The following SGCD variants were observed in gnomAD, a reference collection of about 807,000 sequenced individuals.
The protein encoded by SGCD is sarcoglycan delta.
A neutral mutation model predicts 36.6 loss-of-function variants in SGCD; 18 were observed. The ratio of observed to expected loss-of-function variants is 0.49; its 90% CI spans 0.34 to 0.73. The LOEUF is 0.73. Among genes scored for constraint, SGCD ranks in the 30% least tolerant of loss-of-function variants. SGCD has a pLI of 0.01. For missense variants in SGCD, 387 were observed against 346.7 expected, an observed-to-expected ratio of 1.12 and a Z score of -0.92; for synonymous variants, 133 against 130.6, an observed-to-expected ratio of 1.02 and a Z score of -0.12.
chr5:156,218,315 G>T (rs900997454), intron 3 of SGCD, among the ~76,000 whole-genome samples: 2 of 151,866 alleles, frequency 1.3e-5, no homozygotes, highest in African/African-American at 4.8e-5. Context: ...CAACATGAAA[G>T]ATATTACATA....
intron 4 of SGCD, among the ~76,000 whole-genome samples, chr5:156,566,172 C>G (rs548487417): frequency 1.3e-5 from 2 of 151,986 alleles, no homozygotes; most frequent in Non-Finnish European, 2.9e-5. Context: ...GTTAAAATGG[C>G]GATCATTAAA....
rs2113389554 is a variant in SGCD, at chr5:156,595,018, G to A, written c.469G>A (p.Val157Met). The stretch of plus-strand genomic sequence containing the variant: ...GCTCTTCTCTGCAGACAATAATGAA[G>A]TGGTAGTAGGAGCTGAAAGATTACG... ...KLLFSADNNE[V>M]VVGAERLRVL... is the part of the protein sequence containing the mutation. Residue 157 changes from valine to methionine, a missense_variant, in exon 6 of 9, where the codon GTG becomes ATG. By Grantham distance (21) the Val-to-Met change is conservative (BLOSUM62 1). Coordinates refer to ENST00000337851, the MANE Select transcript of SGCD (RefSeq NM_000337.6). 6.2e-7 allele frequency: 1 copy of A among 1,611,986 alleles called. No individual in the cohort carries two copies. The highest frequency in any genetic ancestry group is 8.5e-7 in the Non-Finnish European group (1 of 1,178,540).
intron 3 of SGCD, among the ~76,000 whole-genome samples, chr5:156,269,099 G>A (rs994921487): frequency 2.6e-5 from 4 of 151,976 alleles, no homozygotes; most frequent in Non-Finnish European, 5.9e-5. Context: ...CATGTCGGGA[G>A]GTAAAAGGCA....
intron 2 of SGCD, among the ~76,000 whole-genome samples, chr5:156,341,056 G>A (rs957106902): frequency 2.6e-5 from 4 of 152,098 alleles, no homozygotes; most frequent in Non-Finnish European, 4.4e-5. Context: ...TCTGTTTCAT[G>A]GGACTCATTA....
At chr5:156,379,723 A>G (rs1268962609) in intron 3 of SGCD, among the ~76,000 whole-genome samples, 1 of 152,144 alleles carries the variant, frequency 6.6e-6, no homozygotes, top group African/African-American at 2.4e-5. Flanking sequence ...AGGCTCACAG[A>G]GTGGCTTGGA....
At chr5:156,698,805 A>T (rs139186037) in intron 7 of SGCD, among the ~76,000 whole-genome samples, 528 of 151,170 alleles carry the variant, frequency 3.5e-3, no homozygotes, top group Non-Finnish European at 5.9e-3. Context: ...AGTCAGTAAT[A>T]TCCGGCTTAT....
the SGCD span, among the ~76,000 whole-genome samples, chr5:155,849,292 A>G: frequency 1.3e-5 from 2 of 152,250 alleles, no homozygotes; most frequent in Middle Eastern, 6.8e-3. Flanking sequence ...ATTTAAGTTC[A>G]CCAACTGAAA....
At chr5:155,895,650 T>C (rs1278267504) in intron 1 of SGCD, among the ~76,000 whole-genome samples, 1 of 151,408 alleles carries the variant, frequency 6.6e-6, no homozygotes, top group Non-Finnish European at 1.5e-5. Flanking sequence ...CTGTCAAATT[T>C]GAAGTATAAT....
chr5:155,838,539 C>T, the SGCD span, among the ~76,000 whole-genome samples: 1 of 152,056 alleles, frequency 6.6e-6, no homozygotes, highest in Non-Finnish European at 1.5e-5. Context: ...AGTAGCAATT[C>T]TCAAAGTGTG....
At chr5:156,611,145 C>T (rs1761783517) in intron 6 of SGCD, among the ~76,000 whole-genome samples, 1 of 152,234 alleles carries the variant, frequency 6.6e-6, no homozygotes. Flanking sequence ...ACGCTGGGAG[C>T]TGTAGACTGG....
chr5:155,935,218 G>A (rs1277809386), intron 1 of SGCD, among the ~76,000 whole-genome samples: 1 of 152,110 alleles, frequency 6.6e-6, no homozygotes, highest in Non-Finnish European at 1.5e-5. Flanking sequence ...GCTGAAATAA[G>A]TTATTTTTGT....
intron 7 of SGCD, among the ~76,000 whole-genome samples, chr5:156,753,769 G>A (rs1210665552): frequency 6.6e-6 from 1 of 152,120 alleles, no homozygotes; most frequent in Non-Finnish European, 1.5e-5. Flanking sequence ...ACCATCATGA[G>A]AACAGCATGG....
At chr5:156,032,129 T>G (rs868426461) in intron 1 of SGCD, among the ~76,000 whole-genome samples, 4 of 152,046 alleles carry the variant, frequency 2.6e-5, no homozygotes, top group Non-Finnish European at 5.9e-5. Context: ...ATGCTTGTTT[T>G]ATAACTTAAA....
At chr5:155,746,931 GTTTTGGGGCATTC>G in the SGCD span, among the ~76,000 whole-genome samples, 2 of 152,100 alleles carry the variant, frequency 1.3e-5, no homozygotes, top group Non-Finnish European at 2.9e-5. Context: ...TCTTAAGGGT[GTTTTGGGGCATTC>G]TTTTCTGCAC....
intron 1 of SGCD, among the ~76,000 whole-genome samples, chr5:156,019,026 A>G (rs554642009): frequency 4.0e-4 from 61 of 152,358 alleles, no homozygotes; most frequent in African/African-American, 1.4e-3. Flanking sequence ...GAGACGTTAA[A>G]TTTGTCATTG....
At chr5:156,378,365 G>A (rs1002364568) in intron 3 of SGCD, among the ~76,000 whole-genome samples, 2 of 152,170 alleles carry the variant, frequency 1.3e-5, no homozygotes, top group South Asian at 2.1e-4. Context: ...ATTGCTTAAT[G>A]ATACAGAGTT....
At chr5:156,107,806 G>A (rs1389708844) in intron 1 of SGCD, among the ~76,000 whole-genome samples, 2 of 152,014 alleles carry the variant, frequency 1.3e-5, no homozygotes, top group Non-Finnish European at 2.9e-5. Flanking sequence ...ACTCTCCATG[G>A]AAACAGCAAT....
intron 1 of SGCD, among the ~76,000 whole-genome samples, chr5:156,047,194 G>A (rs555991593): frequency 6.6e-6 from 1 of 152,260 alleles, no homozygotes; most frequent in South Asian, 2.1e-4. Context: ...GGTTAATGAA[G>A]TTTAAAGAAA....
intron 4 of SGCD, among the ~76,000 whole-genome samples, chr5:156,548,968 C>T (rs1758687520): frequency 6.6e-6 from 1 of 152,002 alleles, no homozygotes; most frequent in African/African-American, 2.4e-5. Flanking sequence ...GCCTTGAGCT[C>T]CTTAAGGTTC....
Sources: allele counts gnomAD v4.1 joint callset (sites outside exome capture counted in the v4.1 genomes callset), GRCh38; gene constraint gnomAD v4.1.1; transcripts MANE v1.5; gene names NCBI Gene and HGNC (gene_info 2026-07-23, HGNC 2026-07-21).